Variants in NALCN observed in about 807,000 individuals in gnomAD.
The protein encoded by NALCN is sodium leak channel, non-selective, also known as sodium leak channel NALCN.
A neutral mutation model predicts 225.3 loss-of-function variants in NALCN; 111 were observed. That is an observed-to-expected ratio of 0.49 (90% CI 0.42 to 0.58). The LOEUF (loss-of-function observed/expected upper bound fraction) is 0.58, where lower values mean the gene tolerates loss of function less well. Ranked by LOEUF, NALCN falls within the 20% of genes least tolerant of loss-of-function variation. The pLI is 0.00. For missense variants in NALCN, 1,378 were observed against 2,202.4 expected (o/e 0.63, Z 7.49); for synonymous variants, 764 against 769.0 (o/e 0.99, Z 0.11).
chr13:101,308,384 C>T (rs1383172452), intron 7 of NALCN, among the ~76,000 whole-genome samples: 1 of 152,200 alleles, frequency 6.6e-6, no homozygotes, highest in African/African-American at 2.4e-5. Context: ...TTTCCCTTCC[C>T]TTCCACCAGC....
chr13:101,383,646 AT>A (rs2046909827), intron 3 of NALCN, among the ~76,000 whole-genome samples: 1 of 152,212 alleles, frequency 6.6e-6, no homozygotes, highest in African/African-American at 2.4e-5. Flanking sequence ...GTCAGTTAAT[AT>A]TTCTTAATGA....
At position 101,176,293 on chromosome 13, in the gene NALCN, T is replaced by C; in HGVS notation, c.1839+7A>G. ...TTTTTAAAAAAAATCCCCCACACAC[T>C]ACTTACTTGTTTAAGCTTCTTTAGG... is the stretch of plus-strand genomic sequence containing the variant. On this transcript the variant is annotated splice_region_variant and intron_variant, in intron 15 of 43. Coordinates refer to ENST00000251127, the MANE Select transcript of NALCN (RefSeq NM_052867.4). The C allele has an allele frequency of 6.4e-7, 1 of 1,558,048 alleles. No homozygotes were observed. Among genetic ancestry groups the C allele is most frequent in the East Asian group, 2.4e-5 (1 of 41,540 alleles).
rs1026873350 is a variant in NALCN at position 101,326,972 on chromosome 13, G to C, written c.799+18294C>G. Among the ~76,000 whole-genome samples, 7 of 152,214 alleles carry C rather than the reference G, an allele frequency of 4.6e-5. No homozygotes were observed. In the South Asian group the frequency reaches 6.2e-4, roughly 14 times the overall value. On this transcript the variant is annotated intron_variant, in intron 7 of 43. Coordinates refer to ENST00000251127, the MANE Select transcript of NALCN (RefSeq NM_052867.4). Reference sequence around the variant, plus strand: ...GCAGTACTCAGATAAACAAGAGAGAGAGCCGCAGGGCCTCGTGGGACCTTA... The same window carrying C: ...GCAGTACTCAGATAAACAAGAGAGACAGCCGCAGGGCCTCGTGGGACCTTA...
chr13:101,070,952 T>C (rs1378057083), intron 37 of NALCN, among the ~76,000 whole-genome samples: 2 of 152,162 alleles, frequency 1.3e-5, no homozygotes, highest in Non-Finnish European at 2.9e-5. Context: ...TATGTTCTTC[T>C]TCACATGGTG....
intron 3 of NALCN, among the ~76,000 whole-genome samples, chr13:101,379,781 G>A (rs552883224): frequency 5.9e-5 from 9 of 152,214 alleles, no homozygotes; most frequent in African/African-American, 2.2e-4. Context: ...GGTTGATGGT[G>A]CAGCAAACCA....
At chr13:101,312,864 G>A (rs1007658934) in intron 7 of NALCN, among the ~76,000 whole-genome samples, 44 of 152,180 alleles carry the variant, frequency 2.9e-4, no homozygotes, top group Middle Eastern at 3.4e-3. Context: ...AAAAGAGCCC[G>A]CATCACCAAG....
chr13:101,408,144 T>A (rs907450819), intron 1 of NALCN, among the ~76,000 whole-genome samples: 7 of 152,194 alleles, frequency 4.6e-5, no homozygotes, highest in African/African-American at 1.7e-4. Context: ...CTTCTTTCAG[T>A]CTGACCCTTT....
chr13:101,102,478 TA>T (rs1325969695), intron 26 of NALCN, among the ~76,000 whole-genome samples: 2 of 151,914 alleles, frequency 1.3e-5, no homozygotes, highest in Admixed American at 6.6e-5. Context: ...TCATCAATAA[TA>T]AAAAAAACTT....
chr13:101,351,486 A>G (rs893217997), intron 6 of NALCN, among the ~76,000 whole-genome samples: 1 of 152,170 alleles, frequency 6.6e-6, no homozygotes, highest in Non-Finnish European at 1.5e-5. Flanking sequence ...AATTGTTGAT[A>G]ATGGCCACAA....
intron 10 of NALCN, among the ~76,000 whole-genome samples, chr13:101,270,679 C>T (rs2042748190): frequency 6.6e-6 from 1 of 152,180 alleles, no homozygotes; most frequent in African/African-American, 2.4e-5. Flanking sequence ...AAGTGACTTA[C>T]ATTTTAGATT....
intron 13 of NALCN, among the ~76,000 whole-genome samples, chr13:101,218,517 A>T (rs2140100838): frequency 6.6e-6 from 1 of 152,134 alleles, no homozygotes; most frequent in South Asian, 2.1e-4. Context: ...CGTGTCATAC[A>T]GTTTAGATCT....
At chr13:101,135,732 A>G (rs2036751957) in intron 17 of NALCN, among the ~76,000 whole-genome samples, 1 of 152,216 alleles carries the variant, frequency 6.6e-6, no homozygotes, top group Admixed American at 6.5e-5. Context: ...TGGACTCAAC[A>G]CCATCATCAG....
chr13:101,238,040 T>TAA, intron 11 of NALCN, 118 bp from the exon 12 acceptor site: 2 of 769,080 alleles, frequency 2.6e-6, no homozygotes, highest in Non-Finnish European at 4.1e-6. Context: ...AGGTGCCCCA[T>TAA]AAGGTCAAGA....
chr13:101,072,615 A>G (rs977175560), intron 37 of NALCN, among the ~76,000 whole-genome samples: 2 of 152,082 alleles, frequency 1.3e-5, no homozygotes, highest in East Asian at 3.9e-4. Context: ...TTGTTAATTC[A>G]TGCATGAAGT....
At position 101,246,332 on chromosome 13, in the gene NALCN, C is replaced by T. The variant is rs576918398; in HGVS notation, c.1267-8410G>A. ...TCTCTGTTTTCTAATTTCAAAGAATCATGATGGATATCATGAGAAAAAAAT... is the reference window on the plus strand; with the variant it reads ...TCTCTGTTTTCTAATTTCAAAGAATTATGATGGATATCATGAGAAAAAAAT... On this transcript the variant is annotated intron_variant, in intron 11 of 43. Coordinates refer to ENST00000251127, the MANE Select transcript of NALCN (RefSeq NM_052867.4). 9.2e-5 allele frequency among the ~76,000 whole-genome samples: 14 copies of T among 152,218 alleles called. No individual in the cohort carries two copies. In the South Asian group the frequency reaches 2.7e-3, roughly 29 times the overall value.
chr13:101,162,356 T>C (rs571041212), intron 15 of NALCN, among the ~76,000 whole-genome samples: 1 of 152,298 alleles, frequency 6.6e-6, no homozygotes, highest in African/African-American at 2.4e-5. Context: ...ATTTGAAGAA[T>C]GGATGATAAA....
intron 40 of NALCN, among the ~76,000 whole-genome samples, chr13:101,064,443 A>G (rs781681637): frequency 6.6e-6 from 1 of 152,222 alleles, no homozygotes; most frequent in African/African-American, 2.4e-5. Context: ...TTATTTGGAA[A>G]TAGAACATTG....
At chr13:101,398,885 C>T in intron 2 of NALCN, 134 bp downstream of exon 2, 1 of 593,214 alleles carries the variant, frequency 1.7e-6, no homozygotes, top group Non-Finnish European at 3.1e-6. Context: ...TTCTCTACTT[C>T]CAGACTCTGA....
intron 14 of NALCN, among the ~76,000 whole-genome samples, chr13:101,177,246 T>C (rs928579471): frequency 1.3e-5 from 2 of 152,132 alleles, no homozygotes; most frequent in African/African-American, 4.8e-5. Context: ...AACACTCAGC[T>C]AAGCCTGTCT....
Sources: gnomAD v4.1 joint callset for allele counts (sites outside exome capture counted in the v4.1 genomes callset) on GRCh38, gnomAD v4.1.1 for gene constraint, MANE v1.5 for transcripts, NCBI Gene and HGNC (gene_info 2026-07-23, HGNC 2026-07-21) for gene names.